IL1R2: variants seen among roughly 807,000 people sequenced by gnomAD.
The protein encoded by IL1R2 is interleukin 1 receptor type 2.
A neutral mutation model predicts 39.5 loss-of-function variants in IL1R2; 46 were observed. The observed-to-expected ratio is 1.16, with a 90% CI of 0.92 to 1.49. IL1R2 has a LOEUF of 1.49. Among genes scored for constraint, IL1R2 ranks in the 40% most tolerant of loss-of-function variants. The pLI, the probability that IL1R2 is intolerant of heterozygous loss-of-function variation, is 0.00. For missense variants in IL1R2, 537 were observed against 502.0 expected (o/e 1.07, Z -0.67); for synonymous variants, 207 against 189.6 (o/e 1.09, Z -0.75).
chr2:102,020,064 A>T (rs2072478), intron 5 of IL1R2, among the ~76,000 whole-genome samples: 24,134 of 152,214 alleles, frequency 0.16, 2,228 homozygotes, highest in East Asian at 0.28. Context: ...GAAGGCTAAA[A>T]CACACCACTC....
intron 7 of IL1R2, 179 bp downstream of exon 7, chr2:102,024,847 C>G (rs774833431): frequency 1.4e-4 from 104 of 768,074 alleles, no homozygotes; most frequent in Non-Finnish European, 2.0e-4. Flanking sequence ...ATCAAACTTT[C>G]TCTGTAAATA....
At chr2:102,019,255 TG>T (rs1383982891) in intron 4 of IL1R2, among the ~76,000 whole-genome samples, 43 of 152,234 alleles carry the variant, frequency 2.8e-4, no homozygotes, top group Non-Finnish European at 2.6e-4. Context: ...TGAGCATTGT[TG>T]TCCAGGTCAT....
At chr2:101,998,473 A>C (rs560512516) in intron 1 of IL1R2, among the ~76,000 whole-genome samples, 1 of 152,310 alleles carries the variant, frequency 6.6e-6, no homozygotes, top group East Asian at 1.9e-4. Flanking sequence ...TTGCATGAAA[A>C]ACTATCCCAA....
rs375477628 is a variant in IL1R2, at chr2:102,023,990, A to G, written c.752-543A>G. 8.1e-3 allele frequency among the ~76,000 whole-genome samples: 1,228 copies of G among 151,480 alleles called. 19 individuals are homozygous for G. Among genetic ancestry groups the G allele is most frequent in the African/African-American group, 0.029 (1,174 of 40,940 alleles). On this transcript the variant is annotated intron_variant, in intron 6 of 8. Transcript: ENST00000332549. ...CGTGAACCGGGGAGGCGGAGCTTGC[A>G]GTGAGCCGAGATCGCCCCACCGCAC...
chr2:101,996,624 A>G (rs1354664930), intron 1 of IL1R2, among the ~76,000 whole-genome samples: 2 of 151,260 alleles, frequency 1.3e-5, no homozygotes, highest in Non-Finnish European at 2.9e-5. Flanking sequence ...AGAGTGGAAG[A>G]TGATCTTTCA....
At chr2:102,004,107 C>G (rs1264489275) in intron 1 of IL1R2, among the ~76,000 whole-genome samples, 5 of 152,078 alleles carry the variant, frequency 3.3e-5, no homozygotes, top group African/African-American at 1.2e-4. Context: ...GCGAATGCAG[C>G]AAAATGTTAA....
At chr2:102,020,528 A>G (rs1475983724) in intron 5 of IL1R2, among the ~76,000 whole-genome samples, 1 of 152,158 alleles carries the variant, frequency 6.6e-6, no homozygotes, top group Non-Finnish European at 1.5e-5. Context: ...GGGTCTTTTG[A>G]GGGGATTTCA....
At chr2:102,008,794 G>C (rs543664673) in intron 2 of IL1R2, 152 bp downstream of exon 2, 1 of 661,910 alleles carries the variant, frequency 1.5e-6, no homozygotes. Flanking sequence ...GCCCTAGGCG[G>C]GTGGATTGCT....
intron 1 of IL1R2, among the ~76,000 whole-genome samples, chr2:102,008,080 A>G (rs996626132): frequency 6.6e-6 from 1 of 152,196 alleles, no homozygotes; most frequent in Non-Finnish European, 1.5e-5. Context: ...AGAGAATGAC[A>G]GGGAAGGGAA....
Position 102,028,220 on chromosome 2 carries a change from C to T in IL1R2, c.1031-6C>T, listed in dbSNP as rs1332115003. 1.2e-6 allele frequency: 2 copies of T among 1,602,732 alleles called. No individual in the cohort carries two copies. The highest frequency in any genetic ancestry group is 1.7e-6 in the Non-Finnish European group (2 of 1,173,968). On this transcript the variant is annotated splice_polypyrimidine_tract_variant and splice_region_variant and intron_variant, in intron 8 of 8. Transcript: ENST00000332549. ...AGCTCCTGATGTGACTCTGTTCTTCCCACAGCCTCCTCCACGTTCTCCTGG... is the reference window on the plus strand; with the variant it reads ...AGCTCCTGATGTGACTCTGTTCTTCTCACAGCCTCCTCCACGTTCTCCTGG...
chr2:102,028,199 C>T, intron 8 of IL1R2, 27 bp from the exon 9 acceptor site: 1 of 1,585,272 alleles, frequency 6.3e-7, no homozygotes, highest in Non-Finnish European at 8.6e-7. Context: ...CTGTTCAGCT[C>T]CTGATGTGAC....
chr2:102,026,239 C>T lies in IL1R2; in HGVS notation c.1016C>T (p.Thr339Ile). ...ACCCTGAGTTTTCAGACACTACGCA[C>T]CACAGTCAAGGAAGGTATGTATGTA... ...HNTLSFQTLR[T>I]TVKEASSTFS... The change falls in exon 8 of 9, where the codon ACC (threonine) becomes ATC (isoleucine). Residue 339 changes from threonine to isoleucine, a missense_variant. Physicochemically the swap from Thr to Ile is moderately conservative, Grantham distance 89. Transcript: ENST00000332549. 1.9e-6 allele frequency: 3 copies of T among 1,611,110 alleles called. No individual in the cohort carries two copies. Among genetic ancestry groups the T allele is most frequent in the African/African-American group, 1.3e-5 (1 of 74,876 alleles).
At chr2:102,009,460 G>A (rs1463545957) in intron 2 of IL1R2, 102 bp from the exon 3 acceptor site, 1 of 1,328,508 alleles carries the variant, frequency 7.5e-7, no homozygotes, top group African/African-American at 1.5e-5. Context: ...ATGTGCTCCA[G>A]GTTTCCCTGC....
intron 3 of IL1R2, among the ~76,000 whole-genome samples, chr2:102,011,517 A>T (rs1045444564): frequency 7.9e-5 from 12 of 152,200 alleles, no homozygotes; most frequent in Admixed American, 5.2e-4. Context: ...TGTGCTTATT[A>T]ACCATCTGTG....
chr2:102,019,377 T>G (rs1443713505), intron 4 of IL1R2, among the ~76,000 whole-genome samples: 1 of 152,198 alleles, frequency 6.6e-6, no homozygotes, highest in East Asian at 1.9e-4. Context: ...GAAGAGTTCG[T>G]CTCTTTTTTT....
chr2:102,013,557 A>AAAG (rs1676786677), intron 3 of IL1R2, among the ~76,000 whole-genome samples: 1 of 131,752 alleles, frequency 7.6e-6, no homozygotes, highest in Non-Finnish European at 1.6e-5. Flanking sequence ...AAAAAAGGAA[A>AAAG]GAAAGAAAAG....
Position 102,019,785 on chromosome 2 carries a change from A to T in IL1R2, c.661A>T (p.Thr221Ser), listed in dbSNP as rs139319473. The change falls in exon 5 of 9, where the codon ACT (threonine) becomes TCT (serine). Residue 221 changes from threonine to serine, a missense_variant. Coordinates refer to ENST00000332549, the MANE Select transcript of IL1R2 (RefSeq NM_004633.4). ...CCATGAAGGCCAGCAATACAACATCACTAGGAGTATTGAGCTACGCATCAA... is the reference window on the plus strand; with the variant it reads ...CCATGAAGGCCAGCAATACAACATCTCTAGGAGTATTGAGCTACGCATCAA... ...FAHEGQQYNI[T>S]RSIELRIKKK... The T allele has an allele frequency of 1.9e-6, 3 of 1,613,984 alleles. No individual in the cohort carries two copies. The highest frequency in any genetic ancestry group is 2.7e-5 in the African/African-American group (2 of 74,930).
intron 3 of IL1R2, among the ~76,000 whole-genome samples, chr2:102,014,974 TAATCATATA>T (rs1676899973): frequency 7.4e-6 from 1 of 135,344 alleles, no homozygotes; most frequent in African/African-American, 3.4e-5. Flanking sequence ...ATAATAATAA[TAATCATATA>T]ATAATAAAGC....
chr2:102,021,308 T>TC (rs1677379234), intron 5 of IL1R2, among the ~76,000 whole-genome samples: 1 of 148,792 alleles, frequency 6.7e-6, no homozygotes, highest in African/African-American at 2.5e-5. Flanking sequence ...TTCTTTTCTT[T>TC]TTTTTTTTTT....
Sources: gnomAD v4.1 joint callset for allele counts (sites outside exome capture counted in the v4.1 genomes callset) on GRCh38, gnomAD v4.1.1 for gene constraint, MANE v1.5 for transcripts, NCBI Gene and HGNC (gene_info 2026-07-23, HGNC 2026-07-21) for gene names.